The following DNAJC6 variants were observed in gnomAD, a reference collection of about 807,000 sequenced individuals.
DNAJC6 encodes DnaJ heat shock protein family (Hsp40) member C6.
In DNAJC6, 34 loss-of-function variants were observed where a neutral mutation model predicts 110.0. The observed-to-expected ratio is 0.31, with a 90% CI of 0.24 to 0.41. The LOEUF is 0.41. Among genes scored for constraint, DNAJC6 ranks in the 10% least tolerant of loss-of-function variants. The pLI, the probability that DNAJC6 is intolerant of heterozygous loss-of-function variation, is 1.00. For missense variants in DNAJC6, 1,031 were observed against 1,207.8 expected (o/e 0.85, Z 2.17); for synonymous variants, 406 against 437.2 (o/e 0.93, Z 0.89).
intron 1 of DNAJC6, among the ~76,000 whole-genome samples, chr1:65,360,064 TTC>T (rs1167137537): frequency 6.6e-6 from 1 of 152,238 alleles, no homozygotes; most frequent in Non-Finnish European, 1.5e-5. Context: ...CTGCATTTCT[TTC>T]TCATTGCACC....
At chr1:65,278,470 C>T (rs983868832) in intron 1 of DNAJC6, among the ~76,000 whole-genome samples, 8 of 152,064 alleles carry the variant, frequency 5.3e-5, no homozygotes, top group African/African-American at 7.2e-5. Flanking sequence ...ATATGTTCCC[C>T]AACTCTGACT....
chr1:65,393,560 T>C (rs902439148), intron 12 of DNAJC6, among the ~76,000 whole-genome samples: 2 of 152,218 alleles, frequency 1.3e-5, no homozygotes, highest in African/African-American at 2.4e-5. Flanking sequence ...GGTAAGGAGT[T>C]TGAGCCCCTT....
chr1:65,304,299 T>G (rs891475409), intron 1 of DNAJC6, among the ~76,000 whole-genome samples: 1 of 152,286 alleles, frequency 6.6e-6, no homozygotes, highest in Non-Finnish European at 1.5e-5. Context: ...AGAAACATTA[T>G]AGGAATAGTT....
intron 1 of DNAJC6, among the ~76,000 whole-genome samples, chr1:65,310,142 A>T (rs953246747): frequency 6.8e-6 from 1 of 147,958 alleles, no homozygotes; most frequent in African/African-American, 2.5e-5. Context: ...ATCAGTCCTG[A>T]GGCCCAGAGA....
chr1:65,307,380 C>G (rs1375942191), upstream of DNAJC6, among the ~76,000 whole-genome samples: 1 of 151,980 alleles, frequency 6.6e-6, no homozygotes, highest in East Asian at 1.9e-4. Flanking sequence ...TTTACACTTG[C>G]AAACTCCAGA....
chr1:65,316,151 A>G (rs530342344), intron 1 of DNAJC6, among the ~76,000 whole-genome samples: 1 of 152,326 alleles, frequency 6.6e-6, no homozygotes, highest in South Asian at 2.1e-4. Context: ...AATCCAAGGT[A>G]TTCTTAACAG....
intron 4 of DNAJC6, among the ~76,000 whole-genome samples, chr1:65,373,665 A>G (rs1645731126): frequency 6.8e-6 from 1 of 147,080 alleles, no homozygotes; most frequent in South Asian, 2.1e-4. Flanking sequence ...TGAGCTCCTT[A>G]TATATTCTGG....
intron 1 of DNAJC6, among the ~76,000 whole-genome samples, chr1:65,265,722 A>G (rs933296265): frequency 6.6e-6 from 1 of 152,190 alleles, no homozygotes; most frequent in African/African-American, 2.4e-5. Flanking sequence ...ATGGACCCCT[A>G]GGTCTCCGGA....
At chr1:65,287,801 A>G (rs1169230060) in intron 1 of DNAJC6, among the ~76,000 whole-genome samples, 2 of 151,898 alleles carry the variant, frequency 1.3e-5, no homozygotes, top group African/African-American at 4.8e-5. Context: ...ACAGAGTTTC[A>G]CCATGTTGCC....
At chr1:65,314,512 C>A (rs986678531) in intron 1 of DNAJC6, among the ~76,000 whole-genome samples, 1 of 151,628 alleles carries the variant, frequency 6.6e-6, no homozygotes, top group Non-Finnish European at 1.5e-5. Flanking sequence ...TTTTTTGAGA[C>A]GGAGTCTCAC....
In DNAJC6 at chr1:65,389,591, G is replaced by A. The variant is rs1022699921; in HGVS notation, c.1432G>A (p.Gly478Arg). The A allele has an allele frequency of 6.8e-6, 11 of 1,614,006 alleles. No individual in the cohort carries two copies. The highest frequency in any genetic ancestry group is 1.3e-5 in the African/African-American group (1 of 74,906). ...DIPPDNPRHYGQSGFFASLCW... is the reference protein window; with the variant it reads ...DIPPDNPRHYRQSGFFASLCW... ...CCCTCCAGACAACCCCAGGCATTAC[G>A]GACAAAGTGGTTTCTTTGCCTCTCT... The change falls in exon 11 of 19, where the codon GGA (glycine) becomes AGA (arginine). Residue 478 changes from glycine (G) to arginine (R), a missense_variant. Physicochemically the swap from Gly to Arg is moderately radical, Grantham distance 125. Transcript: ENST00000371069.
At position 65,379,382 on chromosome 1, in the gene DNAJC6, CT is replaced by C. The variant is rs1557551067; in HGVS notation, c.544-16del. The C allele has an allele frequency of 6.2e-7, 1 of 1,613,226 alleles. No individual in the cohort carries two copies. Among genetic ancestry groups the C allele is most frequent in the Non-Finnish European group, 8.5e-7 (1 of 1,179,602 alleles). ...GGAAGTTGCTGGAGGAATTAATTTC[CT>C]TTTGCTGTGCTCCCTTAGGTCTCAG... On this transcript the variant is annotated intron_variant, in intron 4 of 18. Coordinates refer to ENST00000371069, the MANE Select transcript of DNAJC6 (RefSeq NM_001256864.2).
intron 1 of DNAJC6, among the ~76,000 whole-genome samples, chr1:65,325,333 T>C (rs74080527): frequency 0.018 from 2,815 of 152,288 alleles, 79 homozygotes; most frequent in African/African-American, 0.055. Context: ...TTAAAGGAGC[T>C]TAGAAGACAG....
intron 1 of DNAJC6, among the ~76,000 whole-genome samples, chr1:65,333,795 A>T (rs1645310225): frequency 6.6e-6 from 1 of 152,188 alleles, no homozygotes; most frequent in East Asian, 1.9e-4. Context: ...GACTATTTGA[A>T]GCTTCAGTCT....
At chr1:65,313,452 C>A (rs1645120891) in intron 1 of DNAJC6, among the ~76,000 whole-genome samples, 1 of 152,128 alleles carries the variant, frequency 6.6e-6, no homozygotes, top group African/African-American at 2.4e-5. Context: ...AATACATTTG[C>A]AGTTTTTCTT....
chr1:65,365,429 T>G (rs1645636706), intron 2 of DNAJC6, among the ~76,000 whole-genome samples: 1 of 152,184 alleles, frequency 6.6e-6, no homozygotes, highest in South Asian at 2.1e-4. Context: ...AATCAAAATT[T>G]TAATCTTTGT....
chr1:65,390,686 G>A (rs1222006644), intron 11 of DNAJC6, among the ~76,000 whole-genome samples: 2 of 152,202 alleles, frequency 1.3e-5, no homozygotes, highest in Non-Finnish European at 2.9e-5. Flanking sequence ...ACCTTCCTCT[G>A]TTGTGTGAAT....
At chr1:65,392,293 A>T in intron 11 of DNAJC6, 138 bp from the exon 12 acceptor site, 1 of 757,256 alleles carries the variant, frequency 1.3e-6, no homozygotes, top group Non-Finnish European at 2.1e-6. Flanking sequence ...CAAGTGTTCC[A>T]CTGATTAGGG....
At chr1:65,346,066 A>G (rs1017212306) in intron 1 of DNAJC6, among the ~76,000 whole-genome samples, 9 of 152,128 alleles carry the variant, frequency 5.9e-5, no homozygotes, top group Non-Finnish European at 1.5e-5. Flanking sequence ...GTTTTCTCCT[A>G]GGATTCACCT....
Sources: gnomAD v4.1 joint callset for allele counts (sites outside exome capture counted in the v4.1 genomes callset) on GRCh38, gnomAD v4.1.1 for gene constraint, MANE v1.5 for transcripts, NCBI Gene and HGNC (gene_info 2026-07-23, HGNC 2026-07-21) for gene names.